The following TMEM117 variants were observed in gnomAD, a reference collection of about 807,000 sequenced individuals.
The protein encoded by TMEM117 is transmembrane protein 117.
A neutral mutation model predicts 52.4 loss-of-function variants in TMEM117; 27 were observed. The observed-to-expected ratio is 0.51, with a 90% CI of 0.38 to 0.71. TMEM117 has a LOEUF of 0.71. Ranked by LOEUF, TMEM117 falls within the 30% of genes least tolerant of loss-of-function variation. The pLI is 0.00. For missense variants in TMEM117, 556 were observed against 630.5 expected, an observed-to-expected ratio of 0.88 and a Z score of 1.26; for synonymous variants, 215 against 206.3, an observed-to-expected ratio of 1.04 and a Z score of -0.36.
chr12:43,975,978 G>A (rs1945664715), intron 3 of TMEM117, among the ~76,000 whole-genome samples: 1 of 152,144 alleles, frequency 6.6e-6, no homozygotes, highest in Non-Finnish European at 1.5e-5. Flanking sequence ...ATCAGTCTTT[G>A]GGATGATGGT....
At position 44,123,093 on chromosome 12, in the gene TMEM117, A is replaced by C. The variant is rs570569621; in HGVS notation, c.411-20432A>C. Among the ~76,000 whole-genome samples, 4 of 152,288 alleles carry C rather than the reference A, an allele frequency of 2.6e-5. No homozygotes were observed. In the South Asian group the frequency reaches 8.3e-4, roughly 32 times the overall value. ...CTCTGTTGTTTTTTGACTTTTTAGT[A>C]ATAGCCATTCTAACTGGCATGAGAT... On this transcript the variant is annotated intron_variant, in intron 3 of 7. Coordinates refer to ENST00000266534, the MANE Select transcript of TMEM117 (RefSeq NM_032256.3).
At chr12:44,310,789 A>C (rs1188447197) in intron 6 of TMEM117, among the ~76,000 whole-genome samples, 1 of 152,206 alleles carries the variant, frequency 6.6e-6, no homozygotes, top group Admixed American at 6.5e-5. Flanking sequence ...TTGCAATCAT[A>C]GTTACCTGCA....
chr12:44,063,799 T>C (rs1182177204), intron 3 of TMEM117, among the ~76,000 whole-genome samples: 1 of 152,138 alleles, frequency 6.6e-6, no homozygotes, highest in Non-Finnish European at 1.5e-5. Context: ...ATTAAAATTA[T>C]ATGCAGTTCT....
At chr12:43,982,995 A>G (rs937245669) in intron 3 of TMEM117, among the ~76,000 whole-genome samples, 1 of 152,196 alleles carries the variant, frequency 6.6e-6, no homozygotes. Context: ...TATGCAGTTA[A>G]AGGAGTTGCA....
intron 2 of TMEM117, among the ~76,000 whole-genome samples, chr12:43,898,006 T>C (rs892268367): frequency 1.3e-5 from 2 of 149,122 alleles, no homozygotes; most frequent in African/African-American, 2.5e-5. Flanking sequence ...GTGACTAATA[T>C]ACTGCACACA....
At chr12:43,857,932 G>A (rs1481900686) in intron 2 of TMEM117, among the ~76,000 whole-genome samples, 1 of 152,160 alleles carries the variant, frequency 6.6e-6, no homozygotes, top group African/African-American at 2.4e-5. Context: ...GTGCTGATAT[G>A]GTAACTATGT....
intron 3 of TMEM117, among the ~76,000 whole-genome samples, chr12:44,022,649 A>T (rs893420717): frequency 2.0e-5 from 3 of 152,204 alleles, no homozygotes; most frequent in Non-Finnish European, 4.4e-5. Context: ...ATTCAGTTTT[A>T]AAAAAGCCAT....
intron 6 of TMEM117, among the ~76,000 whole-genome samples, chr12:44,348,154 C>T (rs902114323): frequency 4.0e-5 from 6 of 151,482 alleles, no homozygotes; most frequent in Non-Finnish European, 8.8e-5. Flanking sequence ...AGGAACATCA[C>T]GTAACATAAA....
chr12:44,040,757 T>G (rs1047672091), intron 3 of TMEM117, among the ~76,000 whole-genome samples: 1 of 152,242 alleles, frequency 6.6e-6, no homozygotes, highest in Non-Finnish European at 1.5e-5. Flanking sequence ...TTCTTTTTGA[T>G]ATTGTCCTTG....
intron 4 of TMEM117, among the ~76,000 whole-genome samples, chr12:44,186,479 T>C (rs1445149755): frequency 6.6e-6 from 1 of 152,206 alleles, no homozygotes; most frequent in African/African-American, 2.4e-5. Context: ...GCAGCATACA[T>C]GTGTGAATTA....
At chr12:43,917,361 C>T (rs1944623243) in intron 2 of TMEM117, among the ~76,000 whole-genome samples, 1 of 151,870 alleles carries the variant, frequency 6.6e-6, no homozygotes, top group Admixed American at 6.6e-5. Context: ...TCTCTAAAAA[C>T]AAAGAAAGAA....
At chr12:44,341,742 T>C (rs749900651) in intron 6 of TMEM117, among the ~76,000 whole-genome samples, 13 of 152,142 alleles carry the variant, frequency 8.5e-5, no homozygotes, top group Non-Finnish European at 1.6e-4. Flanking sequence ...GATTGGGTTA[T>C]ATAGCTGGGA....
intron 5 of TMEM117, among the ~76,000 whole-genome samples, chr12:44,246,334 A>C (rs764045854): frequency 6.6e-6 from 1 of 152,196 alleles, no homozygotes; most frequent in East Asian, 1.9e-4. Context: ...TCTTACAATA[A>C]ATACATTAAC....
rs73276237 is a variant in TMEM117, at chr12:44,308,243, G to T, written c.768+8504G>T. Among the ~76,000 whole-genome samples, 1,515 of 152,252 alleles carry T rather than the reference G, an allele frequency of 1.0e-2. 32 individuals are homozygous for T. The highest frequency in any genetic ancestry group is 0.034 in the African/African-American group (1,422 of 41,544). ...AATTCTATACTACTGCAGATGGGCA[G>T]GAATTTTTTCAAAGCCATCCTGAAG... On this transcript the variant is annotated intron_variant, in intron 6 of 7. Transcript: ENST00000266534.
intron 3 of TMEM117, among the ~76,000 whole-genome samples, chr12:43,971,181 T>G (rs1376044421): frequency 6.6e-6 from 1 of 152,206 alleles, no homozygotes; most frequent in Admixed American, 6.5e-5. Flanking sequence ...CAAATCCATT[T>G]AATTAGTCCT....
chr12:44,287,403 G>A (rs1950651343), intron 5 of TMEM117, among the ~76,000 whole-genome samples: 1 of 152,108 alleles, frequency 6.6e-6, no homozygotes, highest in Admixed American at 6.6e-5. Flanking sequence ...AAAAAGAGAA[G>A]TAGAAACCCC....
At chr12:44,180,630 T>G (rs1454240525) in intron 4 of TMEM117, among the ~76,000 whole-genome samples, 6 of 151,670 alleles carry the variant, frequency 4.0e-5, no homozygotes, top group Non-Finnish European at 8.8e-5. Context: ...TGTGATAGTT[T>G]ACTGAGAATG....
In TMEM117 at chr12:43,944,253, G is replaced by A. The variant is rs1000397237; in HGVS notation, c.321G>A (p.Ser107=). ...AAATGTTTCGAGAAGATCATGGGTCGTGGATGACAATGTTCTTCAGCACAA... is the reference window on the plus strand; with the variant it reads ...AAATGTTTCGAGAAGATCATGGGTCATGGATGACAATGTTCTTCAGCACAA... ...RLKMFREDHG[S]WMTMFFSTIL... is the part of the protein sequence containing the mutation. Residue 107 remains serine (S), a synonymous_variant, in exon 3 of 8, where the codon TCG becomes TCA. Coordinates refer to ENST00000266534, the MANE Select transcript of TMEM117 (RefSeq NM_032256.3). The A allele has an allele frequency of 1.7e-5, 28 of 1,613,044 alleles. No individual in the cohort carries two copies. Among genetic ancestry groups the A allele is most frequent in the Middle Eastern group, 1.6e-4 (1 of 6,074 alleles).
intron 3 of TMEM117, among the ~76,000 whole-genome samples, chr12:43,947,556 T>A (rs893615177): frequency 2.9e-4 from 44 of 152,248 alleles, no homozygotes; most frequent in African/African-American, 1.0e-3. Context: ...GCACAGGGAA[T>A]GATGGAGCCA....
Sources: gnomAD v4.1 joint callset for allele counts (sites outside exome capture counted in the v4.1 genomes callset) on GRCh38, gnomAD v4.1.1 for gene constraint, MANE v1.5 for transcripts, NCBI Gene and HGNC (gene_info 2026-07-23, HGNC 2026-07-21) for gene names.